The following PCDH9 variants were observed in gnomAD, a reference collection of about 807,000 sequenced individuals.
The protein encoded by PCDH9 is protocadherin 9.
A neutral mutation model predicts 70.6 loss-of-function variants in PCDH9; 24 were observed. The observed-to-expected ratio is 0.34, with a 90% CI of 0.25 to 0.48. The LOEUF (loss-of-function observed/expected upper bound fraction) is 0.48. PCDH9 is among the 20% of genes least tolerant of loss of function. The pLI is 0.99. For synonymous variants in PCDH9, 562 were observed against 558.5 expected (o/e 1.01, Z -0.09); for missense variants, 1,281 against 1,503.6 (o/e 0.85, Z 2.45).
intron 3 of PCDH9, among the ~76,000 whole-genome samples, chr13:66,800,437 AAT>A (rs1200117668): frequency 2.0e-5 from 3 of 152,082 alleles, no homozygotes; most frequent in African/African-American, 7.2e-5. Context: ...ACTACCTGAA[AAT>A]ATATGATACA....
intron 2 of PCDH9, among the ~76,000 whole-genome samples, chr13:67,078,016 C>A (rs1397810129): frequency 4.6e-5 from 7 of 152,152 alleles, no homozygotes; most frequent in Non-Finnish European, 7.4e-5. Context: ...GTGGTTCCAG[C>A]TTCTTCCCTG....
chr13:66,595,726 T>C (rs542885704), intron 4 of PCDH9, among the ~76,000 whole-genome samples: 12 of 151,770 alleles, frequency 7.9e-5, no homozygotes, highest in African/African-American at 2.9e-4. Context: ...AGTAGTGGAA[T>C]AAAGTAGACT....
chr13:66,947,465 A>T (rs2083107751), intron 2 of PCDH9, among the ~76,000 whole-genome samples: 1 of 152,164 alleles, frequency 6.6e-6, no homozygotes, highest in African/African-American at 2.4e-5. Context: ...AAATACACGG[A>T]TTACTGCAAT....
intron 2 of PCDH9, among the ~76,000 whole-genome samples, chr13:67,040,870 T>G (rs1246241917): frequency 6.6e-6 from 1 of 152,168 alleles, no homozygotes; most frequent in Non-Finnish European, 1.5e-5. Flanking sequence ...ATAAAAATAT[T>G]TATTTTCATT....
At chr13:67,129,190 T>C (rs989137350) in intron 2 of PCDH9, among the ~76,000 whole-genome samples, 5 of 152,070 alleles carry the variant, frequency 3.3e-5, no homozygotes, top group Non-Finnish European at 5.9e-5. Context: ...AGGTATATCA[T>C]AGCTAATGAC....
At chr13:66,794,977 GCA>G (rs71107002) in intron 3 of PCDH9, among the ~76,000 whole-genome samples, 10 of 147,394 alleles carry the variant, frequency 6.8e-5, no homozygotes, top group East Asian at 4.1e-4. Flanking sequence ...ACACACACAG[GCA>G]CACACACACA....
chr13:66,532,168 T>G (rs78048987), intron 4 of PCDH9, among the ~76,000 whole-genome samples: 1 of 84,556 alleles, frequency 1.2e-5, no homozygotes, highest in African/African-American at 3.4e-5. Context: ...TTTTTAGTGG[T>G]TTTTTTTTTT....
intron 4 of PCDH9, among the ~76,000 whole-genome samples, chr13:66,423,540 C>T (rs1399643804): frequency 1.3e-5 from 2 of 152,006 alleles, no homozygotes; most frequent in African/African-American, 4.8e-5. Context: ...AATCAATAAA[C>T]ATAATCCATC....
At chr13:66,340,034 T>A (rs1486590466) in intron 4 of PCDH9, among the ~76,000 whole-genome samples, 1 of 152,152 alleles carries the variant, frequency 6.6e-6, no homozygotes, top group Non-Finnish European at 1.5e-5. Flanking sequence ...TTGGGGAGAA[T>A]GATAAACATG....
At chr13:66,574,671 T>C (rs1452222058) in intron 4 of PCDH9, among the ~76,000 whole-genome samples, 6 of 152,194 alleles carry the variant, frequency 3.9e-5, no homozygotes, top group African/African-American at 1.2e-4. Flanking sequence ...AGTGTGTCTA[T>C]TTACTACTGA....
chr13:66,516,364 C>G (rs1288123207), intron 4 of PCDH9, among the ~76,000 whole-genome samples: 1 of 151,828 alleles, frequency 6.6e-6, no homozygotes, highest in African/African-American at 2.4e-5. Context: ...GAAGCTTGGC[C>G]TTCATTTTTA....
intron 3 of PCDH9, among the ~76,000 whole-genome samples, chr13:66,719,434 G>A (rs527597614): frequency 6.6e-6 from 1 of 152,208 alleles, no homozygotes; most frequent in South Asian, 2.1e-4. Context: ...GAAAGAGATT[G>A]AGGAGGGCTC....
intron 4 of PCDH9, among the ~76,000 whole-genome samples, chr13:66,377,136 C>T (rs775703070): frequency 2.6e-5 from 4 of 152,020 alleles, no homozygotes; most frequent in Non-Finnish European, 5.9e-5. Context: ...ATAATTGGGC[C>T]AGAATTGTTA....
intron 2 of PCDH9, among the ~76,000 whole-genome samples, chr13:66,913,625 C>A (rs947639647): frequency 2.6e-5 from 4 of 151,852 alleles, no homozygotes; most frequent in Admixed American, 2.6e-4. Context: ...TTATCCAAGT[C>A]GAAAATGTAA....
intron 3 of PCDH9, among the ~76,000 whole-genome samples, chr13:66,761,925 T>A (rs1002238445): frequency 6.6e-6 from 1 of 151,172 alleles, no homozygotes; most frequent in Non-Finnish European, 1.5e-5. Context: ...TAGTGTCATT[T>A]TCCCCTAATT....
chr13:67,045,156 GGAACAC>G (rs1350406840), intron 2 of PCDH9, among the ~76,000 whole-genome samples: 19 of 152,162 alleles, frequency 1.2e-4, no homozygotes, highest in East Asian at 7.8e-4. Context: ...AATTACATTA[GGAACAC>G]AACCCTTTAC....
intron 3 of PCDH9, among the ~76,000 whole-genome samples, chr13:66,713,819 T>A (rs778787269): frequency 1.3e-5 from 2 of 151,788 alleles, no homozygotes; most frequent in Non-Finnish European, 2.9e-5. Flanking sequence ...AAGATAAACA[T>A]CTTTAAGTCT....
intron 4 of PCDH9, among the ~76,000 whole-genome samples, chr13:66,314,229 G>T (rs1566234690): frequency 6.6e-6 from 1 of 152,186 alleles, no homozygotes; most frequent in Non-Finnish European, 1.5e-5. Flanking sequence ...GTCTGCCTTC[G>T]CTCCTTTCCC....
intron 2 of PCDH9, among the ~76,000 whole-genome samples, chr13:67,056,732 G>C (rs963169348): frequency 1.1e-4 from 16 of 152,166 alleles, no homozygotes; most frequent in Admixed American, 9.8e-4. Context: ...CAATAATATG[G>C]GATAATATAT....
Sources: gnomAD v4.1 joint callset for allele counts (sites outside exome capture counted in the v4.1 genomes callset) on GRCh38, gnomAD v4.1.1 for gene constraint, MANE v1.5 for transcripts, NCBI Gene and HGNC (gene_info 2026-07-23, HGNC 2026-07-21) for gene names.